The following WFS1 variants were observed in gnomAD, a reference collection of about 807,000 sequenced individuals.
WFS1 encodes wolframin ER transmembrane glycoprotein, also known as wolframin.
Under a neutral mutation model 68.5 loss-of-function variants are expected in WFS1, and 90 were observed. The observed-to-expected ratio is 1.31, with a 90% CI of 1.11 to 1.56. WFS1 has a LOEUF of 1.56. Ranked by LOEUF, WFS1 falls within the 40% of genes most tolerant of loss-of-function variation. The pLI is 0.00. For synonymous variants in WFS1, 860 were observed against 540.7 expected (o/e 1.59, Z -8.19); for missense variants, 1,767 against 1,232.6 (o/e 1.43, Z -6.49).
chr4:6,298,458 G>A (rs999888991), intron 7 of WFS1, among the ~76,000 whole-genome samples: 8 of 150,976 alleles, frequency 5.3e-5, no homozygotes, highest in South Asian at 2.1e-4. Flanking sequence ...AGAGCTAGGG[G>A]AGCTGTTAGC....
intron 2 of WFS1, among the ~76,000 whole-genome samples, chr4:6,282,530 A>T (rs1730198725): frequency 6.6e-6 from 1 of 152,164 alleles, no homozygotes; most frequent in East Asian, 1.9e-4. Flanking sequence ...CATCATATTT[A>T]TTTACCACAT....
chr4:6,290,476 G>C (rs1730430393), intron 4 of WFS1, among the ~76,000 whole-genome samples: 1 of 152,254 alleles, frequency 6.6e-6, no homozygotes, highest in African/African-American at 2.4e-5. Flanking sequence ...GAGGAGGCCG[G>C]TTGGCCCCGT....
Position 6,301,683 on chromosome 4 carries a change from A to T in WFS1, c.1888A>T (p.Ser630Cys). 6.2e-7 allele frequency: 1 copy of T among 1,613,906 alleles called. No individual in the cohort carries two copies. Among genetic ancestry groups the T allele is most frequent in the South Asian group, 1.1e-5 (1 of 91,080 alleles). ...VVGMVKSLTR[S>C]SMVKLILVWL... ...GGGGATGGTGAAGTCCCTGACGCGGAGCTCCATGGTCAAGCTCATCCTGGT... is the reference window on the plus strand; with the variant it reads ...GGGGATGGTGAAGTCCCTGACGCGGTGCTCCATGGTCAAGCTCATCCTGGT... Residue 630 changes from serine (S) to cysteine (C), a missense_variant, in exon 8 of 8, where the codon AGC becomes TGC. Coordinates refer to ENST00000226760, the MANE Select transcript of WFS1 (RefSeq NM_006005.3).
rs1430938532 is a variant in WFS1, at chr4:6,300,969, C to G, written c.1174C>G (p.Gln392Glu). ...CTTCGAGCCCAACCTGGATGTGGAG[C>G]AGGCCGAGGTCAACTTCGGCTGGAA... ...LRFEPNLDVE[Q>E]AEVNFGWNHL... is the part of the protein sequence containing the mutation. The change falls in exon 8 of 8, where the codon CAG becomes GAG. Residue 392 changes from glutamine (Q) to glutamate (E), a missense_variant. Gln to Glu is a conservative substitution (Grantham distance 29, BLOSUM62 2). Transcript: ENST00000226760. The G allele has an allele frequency of 7.4e-6, 12 of 1,613,910 alleles. No homozygotes were observed. The African/African-American group carries it at 1.3e-4, about 18-fold the overall frequency.
At chr4:6,299,902 TGTGTG>T (rs1343037811) in intron 7 of WFS1, among the ~76,000 whole-genome samples, 1 of 8,240 alleles carries the variant, frequency 1.2e-4, no homozygotes, top group Non-Finnish European at 1.8e-4. Flanking sequence ...AGGGGTGGGT[TGTGTG>T]TGTGTGTATG....
Position 6,295,172 on chromosome 4 carries a change from C to A in WFS1, c.844C>A (p.Leu282Met). The A allele has an allele frequency of 6.2e-7, 1 of 1,611,996 alleles. No individual in the cohort carries two copies. The highest frequency in any genetic ancestry group is 8.5e-7 in the Non-Finnish European group (1 of 1,180,042). The change falls in exon 7 of 8, where the codon CTG becomes ATG. Residue 282 changes from leucine (L) to methionine (M), a missense_variant. Leu to Met is a conservative substitution (Grantham distance 15). Transcript: ENST00000226760. ...DELAGKSPED[L>M]PLRLKVVKYP... ...GCTGGCGGGGAAGAGCCCTGAGGAC[C>A]TGCCACTGCGTCTGAAGGTGAGTGA...
intron 7 of WFS1, among the ~76,000 whole-genome samples, chr4:6,299,131 C>A (rs1730748008): frequency 6.6e-6 from 1 of 152,258 alleles, no homozygotes. Context: ...CCCCCATCCC[C>A]TCCAGTCCCT....
chr4:6,299,508 G>T (rs1465789147), intron 7 of WFS1, among the ~76,000 whole-genome samples: 1 of 148,988 alleles, frequency 6.7e-6, no homozygotes, highest in African/African-American at 2.5e-5. Context: ...GTAGGGGTGG[G>T]TTGCGTGTGT....
chr4:6,278,860 G>T (rs1354723575), intron 2 of WFS1, among the ~76,000 whole-genome samples: 1 of 152,248 alleles, frequency 6.6e-6, no homozygotes, highest in Non-Finnish European at 1.5e-5. Context: ...CCAGCCTCAC[G>T]GCTTCAGGGG....
At position 6,284,329 on chromosome 4, in the gene WFS1, T is replaced by C. The variant is rs556169250; in HGVS notation, c.233-2764T>C. 2.9e-4 allele frequency among the ~76,000 whole-genome samples: 44 copies of C among 152,286 alleles called. No homozygotes were observed. The South Asian group carries it at 9.1e-3, about 32-fold the overall frequency. On this transcript the variant is annotated intron_variant, in intron 2 of 7. Transcript: ENST00000226760. Reference sequence around the variant, plus strand: ...CAGAGGTTGTGGCGAGCCGAGATTTTGTCATTGCATTCCAGCCTGGGCGAT... The same window carrying C: ...CAGAGGTTGTGGCGAGCCGAGATTTCGTCATTGCATTCCAGCCTGGGCGAT...
intron 7 of WFS1, among the ~76,000 whole-genome samples, chr4:6,299,013 G>A (rs561173056): frequency 1.1e-3 from 161 of 152,358 alleles, no homozygotes; most frequent in African/African-American, 3.3e-3. Context: ...CCCCCTAGGC[G>A]TCCACTTCCT....
chr4:6,300,838 T>C lies in WFS1; in HGVS notation c.1043T>C (p.Val348Ala), dbSNP rs1386325785. 6.2e-7 allele frequency: 1 copy of C among 1,614,102 alleles called. No homozygotes were observed. Among genetic ancestry groups the C allele is most frequent in the Non-Finnish European group, 8.5e-7 (1 of 1,179,994 alleles). ...TTCTTCGCCTTCTTCATCCCGCTGGTCATCTTCTACCTGTCCTTCATCTCC... is the reference window on the plus strand; with the variant it reads ...TTCTTCGCCTTCTTCATCCCGCTGGCCATCTTCTACCTGTCCTTCATCTCC... ...IDFFAFFIPL[V>A]IFYLSFISMV... The change falls in exon 8 of 8, where the codon GTC becomes GCC. Residue 348 changes from valine to alanine, a missense_variant. Transcript: ENST00000226760.
chr4:6,280,162 T>C (rs1490432915), intron 2 of WFS1, among the ~76,000 whole-genome samples: 1 of 152,164 alleles, frequency 6.6e-6, no homozygotes, highest in Non-Finnish European at 1.5e-5. Flanking sequence ...GGACTCCTCA[T>C]GGCAGCCCTG....
At position 6,291,938 on chromosome 4, in the gene WFS1, C is replaced by A. The variant is rs1458677607; in HGVS notation, c.653C>A (p.Pro218His). The change falls in exon 6 of 8, where the codon CCC (proline) becomes CAC (histidine). Residue 218 changes from proline (P) to histidine (H), a missense_variant. Physicochemically the swap from Pro to His is moderately conservative, Grantham distance 77. Transcript: ENST00000226760. ...NEHDGGAQPG[P>H]VPKSLQKQRR... is the part of the protein sequence containing the mutation. ...GCAGATGGAGGGGCGCAGCCAGGCCCCGTGCCCAAGTCCCTGCAGAAGCAG... is the reference window on the plus strand; with the variant it reads ...GCAGATGGAGGGGCGCAGCCAGGCCACGTGCCCAAGTCCCTGCAGAAGCAG... The A allele has an allele frequency of 6.2e-7, 1 of 1,611,218 alleles. No homozygotes were observed. The highest frequency in any genetic ancestry group is 1.1e-5 in the South Asian group (1 of 90,228).
rs886059523 is a variant in WFS1 at position 6,269,915 on chromosome 4, T to G, written c.-105T>G. ...CAGATTGCTCCCCCGCGGCCGCAGA[T>G]CTCCCGTTTGCGCCGCGTTCAGCTG... On this transcript the variant is annotated 5_prime_UTR_variant, in exon 1 of 8. Coordinates refer to ENST00000226760, the MANE Select transcript of WFS1 (RefSeq NM_006005.3). 1.1e-4 allele frequency: 16 copies of G among 151,862 alleles called. No individual in the cohort carries two copies. The highest frequency in any genetic ancestry group is 2.9e-5 in the Non-Finnish European group (2 of 67,918). 9.4% of individuals were successfully genotyped at this position (151,862 alleles called of 1,614,324 possible). A position where few individuals can be genotyped will look rare whatever the true frequency, so the allele number is the denominator to read the frequency against.
In WFS1 at chr4:6,301,029, GTCT is replaced by G. The variant is rs797046112; in HGVS notation, c.1240_1242del (p.Phe414del). The G allele has an allele frequency of 8.1e-6, 13 of 1,613,996 alleles. No individual in the cohort carries two copies. Among genetic ancestry groups the G allele is most frequent in the South Asian group, 5.5e-5 (5 of 91,084 alleles). ...GCCCTATGCCCATTTCCTGCTCTCT[GTCT>G]TCTTCGTCATCTTCTCCTTCCCCAT... On this transcript the variant is annotated inframe_deletion, in exon 8 of 8. Coordinates refer to ENST00000226760, the MANE Select transcript of WFS1 (RefSeq NM_006005.3).
At position 6,291,277 on chromosome 4, in the gene WFS1, C is replaced by T. The variant is rs761055813; in HGVS notation, c.541C>T (p.Leu181=). ...GGAGAGGGCCGTGCGCAAGGCAGCC[C>T]TGGTCATGTACTGGAAGCTCAACCC... ...DLERAVRKAA[L]VMYWKLNPKK... Residue 181 remains leucine (L), a synonymous_variant, in exon 5 of 8, where the codon CTG becomes TTG. Transcript: ENST00000226760. The T allele has an allele frequency of 3.7e-5, 59 of 1,613,302 alleles. No individual in the cohort carries two copies. The highest frequency in any genetic ancestry group is 4.7e-5 in the Non-Finnish European group (56 of 1,180,008).
rs768029820 is a variant in WFS1 at position 6,301,262 on chromosome 4, C to T, written c.1467C>T (p.Ile489=). Residue 489 remains isoleucine (I), a synonymous_variant, in exon 8 of 8, where the codon ATC becomes ATT. Transcript: ENST00000226760. ...TGAAGGTCCTTGGCCAGACCTTCAT[C>T]ACCGTGCCTGTCGGCCACCTGGTCG... ...PYLKVLGQTF[I]TVPVGHLVVL... 2 of 1,611,278 alleles carry T rather than the reference C, an allele frequency of 1.2e-6. No homozygotes were observed. Among genetic ancestry groups the T allele is most frequent in the African/African-American group, 1.3e-5 (1 of 74,940 alleles).
At chr4:6,277,316 G>GTGTTA in intron 1 of WFS1, 135 bp from the exon 2 acceptor site, 1 of 842,892 alleles carries the variant, frequency 1.2e-6, no homozygotes, top group Non-Finnish European at 1.9e-6. Context: ...ACTGTACTGA[G>GTGTTA]TGTCAGCGAG....
Sources: gnomAD v4.1 joint callset for allele counts (sites outside exome capture counted in the v4.1 genomes callset) on GRCh38, gnomAD v4.1.1 for gene constraint, MANE v1.5 for transcripts, NCBI Gene and HGNC (gene_info 2026-07-23, HGNC 2026-07-21) for gene names.